The following CDH4 variants were observed in gnomAD, a reference collection of about 807,000 sequenced individuals.
CDH4 encodes the protein cadherin-4.
CDH4 carries 33 observed loss-of-function variants against 86.0 expected under a neutral mutation model. The ratio of observed to expected loss-of-function variants is 0.38; its 90% confidence interval spans 0.29 to 0.51. The LOEUF (loss-of-function observed/expected upper bound fraction) is 0.51. CDH4 is among the 20% of genes least tolerant of loss of function. The pLI, the probability that CDH4 is intolerant of heterozygous loss-of-function variation, is 0.86. For missense variants in CDH4, 1,114 were observed against 1,307.4 expected (o/e 0.85, Z 2.28); for synonymous variants, 555 against 549.4 (o/e 1.01, Z -0.14).
At chr20:61,864,679 G>A (rs1008779023) in intron 6 of CDH4, among the ~76,000 whole-genome samples, 27 of 152,210 alleles carry the variant, frequency 1.8e-4, no homozygotes, top group African/African-American at 4.6e-4. Context: ...TTGCCAGCGC[G>A]GACGGCGCCC....
At chr20:61,613,861 G>A (rs1406533944) in intron 2 of CDH4, among the ~76,000 whole-genome samples, 2 of 151,742 alleles carry the variant, frequency 1.3e-5, no homozygotes, top group East Asian at 1.9e-4. Flanking sequence ...TGGGAGGGGG[G>A]GCTTTGGGGA....
intron 4 of CDH4, among the ~76,000 whole-genome samples, chr20:61,798,981 C>T (rs1262627739): frequency 6.6e-6 from 1 of 152,214 alleles, no homozygotes; most frequent in Non-Finnish European, 1.5e-5. Flanking sequence ...GATCAACAGT[C>T]CCCTGAGATT....
chr20:61,770,190 C>A lies in CDH4; in HGVS notation c.397-2813C>A, dbSNP rs376873024. On this transcript the variant is annotated intron_variant, in intron 3 of 15. Coordinates refer to ENST00000614565, the MANE Select transcript of CDH4 (RefSeq NM_001794.5). ...TCATGAGGGGCTGAAGTCGAGACCC[C>A]TGGGTCTCCATGTTTGCACCTCACA... Among the ~76,000 whole-genome samples, 7 of 152,306 alleles carry A rather than the reference C, an allele frequency of 4.6e-5. 1 individual carries two copies. Among genetic ancestry groups the A allele is most frequent in the African/African-American group, 1.2e-4 (5 of 41,574 alleles).
intron 8 of CDH4, among the ~76,000 whole-genome samples, chr20:61,904,636 C>T (rs552982373): frequency 2.0e-5 from 3 of 152,316 alleles, no homozygotes; most frequent in Non-Finnish European, 4.4e-5. Flanking sequence ...CCAGCCCATC[C>T]GACCCCACAG....
chr20:61,736,291 C>T (rs1416330970), intron 2 of CDH4, among the ~76,000 whole-genome samples: 2 of 152,190 alleles, frequency 1.3e-5, no homozygotes, highest in African/African-American at 4.8e-5. Context: ...TTCCTCTGCC[C>T]CAGGACCTTT....
At position 61,478,430 on chromosome 20, in the gene CDH4, AATAG is replaced by A. The variant is rs374755874; in HGVS notation, c.169+223496_169+223499del. 3.5e-3 allele frequency among the ~76,000 whole-genome samples: 533 copies of A among 152,300 alleles called. 2 individuals carry two copies. The highest frequency in any genetic ancestry group is 0.012 in the African/African-American group (519 of 41,566). On this transcript the variant is annotated intron_variant, in intron 2 of 15. Transcript: ENST00000614565. ...GAGCGTGACGTAAGTTTGGACATAA[AATAG>A]ATCTAGTTCAGATGTTTGACCAGTC...
chr20:61,302,640 CG>C (rs1317183740), intron 2 of CDH4, among the ~76,000 whole-genome samples: 2 of 152,052 alleles, frequency 1.3e-5, no homozygotes, highest in African/African-American at 4.8e-5. Flanking sequence ...CTGCATGGCC[CG>C]GAGGGATGGC....
At chr20:61,430,394 C>T (rs977626224) in intron 2 of CDH4, among the ~76,000 whole-genome samples, 7 of 152,180 alleles carry the variant, frequency 4.6e-5, no homozygotes, top group African/African-American at 1.7e-4. Context: ...GGCCTTCTGC[C>T]TCCAGGCCAT....
chr20:61,495,421 T>C (rs2085653982), intron 2 of CDH4, among the ~76,000 whole-genome samples: 1 of 151,812 alleles, frequency 6.6e-6, no homozygotes, highest in Non-Finnish European at 1.5e-5. Context: ...CCGCTTATCC[T>C]GAGAGGTCGC....
chr20:61,550,780 C>CT (rs1341577912), intron 2 of CDH4, among the ~76,000 whole-genome samples: 1 of 152,208 alleles, frequency 6.6e-6, no homozygotes, highest in Non-Finnish European at 1.5e-5. Flanking sequence ...GGATTAGGAC[C>CT]TGGCCTCCTG....
At chr20:61,410,358 T>C (rs1036558187) in intron 2 of CDH4, among the ~76,000 whole-genome samples, 3 of 152,056 alleles carry the variant, frequency 2.0e-5, no homozygotes, top group Non-Finnish European at 4.4e-5. Context: ...TCCATTCCTC[T>C]CACTGGCCAA....
intron 2 of CDH4, among the ~76,000 whole-genome samples, chr20:61,511,723 A>G (rs1321118755): frequency 6.6e-6 from 1 of 152,194 alleles, no homozygotes; most frequent in Non-Finnish European, 1.5e-5. Flanking sequence ...GCAGAGGTTT[A>G]AGAGAGCTTG....
At chr20:61,313,990 C>T (rs969954739) in intron 2 of CDH4, among the ~76,000 whole-genome samples, 1 of 152,192 alleles carries the variant, frequency 6.6e-6, no homozygotes. Context: ...GCACCTTGGC[C>T]TCCCAAAGTG....
chr20:61,550,239 C>G (rs1200909724), intron 2 of CDH4, among the ~76,000 whole-genome samples: 1 of 148,052 alleles, frequency 6.8e-6, no homozygotes, highest in Non-Finnish European at 1.5e-5. Flanking sequence ...CCCAACTTCT[C>G]TGGCTTTCCT....
chr20:61,759,376 G>T (rs1876539086), intron 3 of CDH4, among the ~76,000 whole-genome samples: 1 of 152,212 alleles, frequency 6.6e-6, no homozygotes, highest in Non-Finnish European at 1.5e-5. Context: ...AAGAACAGGG[G>T]TGTCTGTGAG....
In CDH4 at chr20:61,844,686, A is replaced by T; in HGVS notation, c.595A>T (p.Asn199Tyr). ...CTTTCAGATCCGGTCCGACAAAGAC[A>T]ATGACATCCCCATCCGGTACAGCAT... Reference protein sequence around the residue: ...QLVRIRSDKDNDIPIRYSITG... With the variant: ...QLVRIRSDKDYDIPIRYSITG... The change falls in exon 5 of 16, where the codon AAT becomes TAT. Residue 199 changes from asparagine (N) to tyrosine (Y), a missense_variant. This residue lies in a region of CDH4 where 705 missense variants were observed against 914.1 expected (regional missense o/e 0.77). Coordinates refer to ENST00000614565, the MANE Select transcript of CDH4 (RefSeq NM_001794.5). 6.2e-7 allele frequency: 1 copy of T among 1,612,460 alleles called. No individual in the cohort carries two copies. Among genetic ancestry groups the T allele is most frequent in the African/African-American group, 1.3e-5 (1 of 75,054 alleles).
chr20:61,875,037 C>T (rs950643830), intron 7 of CDH4, among the ~76,000 whole-genome samples: 1 of 152,192 alleles, frequency 6.6e-6, no homozygotes, highest in African/African-American at 2.4e-5. Context: ...AACCTGTCAC[C>T]GGGGCTTGCT....
At chr20:61,804,386 GTCTGACCA>G (rs1009225976) in intron 4 of CDH4, among the ~76,000 whole-genome samples, 8 of 152,346 alleles carry the variant, frequency 5.3e-5, no homozygotes, top group African/African-American at 1.9e-4. Context: ...TGTCCATGCT[GTCTGACCA>G]CCCCTCTCCG....
At chr20:61,584,981 C>G (rs142137495) in intron 2 of CDH4, among the ~76,000 whole-genome samples, 2 of 152,356 alleles carry the variant, frequency 1.3e-5, no homozygotes, top group African/African-American at 4.8e-5. Flanking sequence ...TGAGGCCCCT[C>G]CTTCCACCGC....
Sources: allele counts gnomAD v4.1 joint callset (sites outside exome capture counted in the v4.1 genomes callset), GRCh38; gene constraint gnomAD v4.1.1; regional missense constraint gnomAD v4.1.1; transcripts MANE v1.5; gene names NCBI Gene and HGNC (gene_info 2026-07-23, HGNC 2026-07-21).